CCDC148: variants seen among roughly 807,000 people sequenced by gnomAD.
CCDC148 encodes the protein coiled-coil domain-containing protein 148.
Under a neutral mutation model 85.7 loss-of-function variants are expected in CCDC148, and 89 were observed. The observed-to-expected ratio is 1.04, with a 90% CI of 0.87 to 1.24. The LOEUF (loss-of-function observed/expected upper bound fraction) is 1.24. Among genes scored for constraint, CCDC148 ranks in the 50% most tolerant of loss-of-function variants. The pLI is 0.00. For missense variants in CCDC148, 692 were observed against 671.7 expected, an observed-to-expected ratio of 1.03 and a Z score of -0.33; for synonymous variants, 230 against 213.9, an observed-to-expected ratio of 1.08 and a Z score of -0.66.
intron 1 of CCDC148, among the ~76,000 whole-genome samples, chr2:158,364,159 G>C (rs900636865): frequency 6.6e-6 from 1 of 152,204 alleles, no homozygotes; most frequent in African/African-American, 2.4e-5. Context: ...GGAAGTAAGA[G>C]AGGACACAAA....
intron 10 of CCDC148, among the ~76,000 whole-genome samples, chr2:158,241,806 C>T (rs57138240): frequency 0.2 from 31,063 of 151,928 alleles, 3,376 homozygotes; most frequent in Non-Finnish European, 0.23. Context: ...ATATGTTGAG[C>T]CATAGTATTT....
At chr2:158,327,677 A>C (rs951847281) in intron 7 of CCDC148, among the ~76,000 whole-genome samples, 6 of 152,166 alleles carry the variant, frequency 3.9e-5, no homozygotes, top group African/African-American at 1.4e-4. Context: ...AATTCTCCTA[A>C]ATTCAAATTC....
chr2:158,340,455 G>T, intron 4 of CCDC148, 62 bp from the exon 5 acceptor site: 1 of 1,551,868 alleles, frequency 6.4e-7, no homozygotes. Context: ...TCCAAAAACA[G>T]ATCATTAGAG....
chr2:158,399,473 T>C (rs566681510), intron 1 of CCDC148, among the ~76,000 whole-genome samples: 1 of 152,252 alleles, frequency 6.6e-6, no homozygotes, highest in African/African-American at 2.4e-5. Flanking sequence ...TGGTTCAACA[T>C]ATGCAAATCA....
intron 11 of CCDC148, among the ~76,000 whole-genome samples, chr2:158,188,421 TA>T (rs776354223): frequency 3.5e-4 from 52 of 149,968 alleles, no homozygotes; most frequent in African/African-American, 7.6e-4. Context: ...GATATTAGAA[TA>T]TTTTTTTTAA....
At chr2:158,456,267 G>C in intron 1 of CCDC148, 148 bp downstream of exon 1, 2 of 786,984 alleles carry the variant, frequency 2.5e-6, no homozygotes, top group Non-Finnish European at 4.4e-6. Flanking sequence ...TCTTTCAGAA[G>C]AGTTATGAGT....
In CCDC148 at chr2:158,340,595, T is replaced by C; in HGVS notation, c.334+3A>G. ...TTTAAATATAGGATCAAAAAAATCT[T>C]ACCAAAATTTGTAAGGTCACAAAGA... On this transcript the variant is annotated splice_donor_region_variant and intron_variant, in intron 4 of 13. Coordinates refer to ENST00000283233, the MANE Select transcript of CCDC148 (RefSeq NM_138803.4). 6.4e-7 allele frequency: 1 copy of C among 1,574,442 alleles called. No individual in the cohort carries two copies. The highest frequency in any genetic ancestry group is 8.6e-7 in the Non-Finnish European group (1 of 1,157,800).
chr2:158,262,166 G>T (rs961217678), intron 9 of CCDC148, among the ~76,000 whole-genome samples: 1 of 152,006 alleles, frequency 6.6e-6, no homozygotes, highest in Non-Finnish European at 1.5e-5. Flanking sequence ...ATACACCATC[G>T]AATACTATGC....
At chr2:158,374,824 T>C (rs1684590538) in intron 1 of CCDC148, among the ~76,000 whole-genome samples, 1 of 152,002 alleles carries the variant, frequency 6.6e-6, no homozygotes, top group Admixed American at 6.6e-5. Context: ...AATACCAGAC[T>C]GTATGGATAC....
At chr2:158,241,011 T>G (rs1291584459) in intron 10 of CCDC148, among the ~76,000 whole-genome samples, 2 of 152,060 alleles carry the variant, frequency 1.3e-5, no homozygotes. Context: ...GATGCCCAAA[T>G]TACAGTTTGA....
intron 1 of CCDC148, among the ~76,000 whole-genome samples, chr2:158,451,281 T>C (rs1688395546): frequency 6.6e-6 from 1 of 152,196 alleles, no homozygotes; most frequent in Non-Finnish European, 1.5e-5. Flanking sequence ...GAGTATCTAA[T>C]GGCTGATTAT....
chr2:158,192,256 T>C (rs181511075), intron 11 of CCDC148, among the ~76,000 whole-genome samples: 3 of 152,096 alleles, frequency 2.0e-5, no homozygotes, highest in Admixed American at 2.0e-4. Flanking sequence ...GAGATGTCCA[T>C]ATGGGTCTCT....
rs907901498 is a variant in CCDC148, at chr2:158,358,430, T to A, written c.147+19A>T. 1.9e-6 allele frequency: 3 copies of A among 1,596,060 alleles called. No individual in the cohort carries two copies. The South Asian group carries it at 3.4e-5, about 18-fold the overall frequency. On this transcript the variant is annotated intron_variant, in intron 2 of 13. Coordinates refer to ENST00000283233, the MANE Select transcript of CCDC148 (RefSeq NM_138803.4). ...GATTTTCTAAAACTAGAAAAACACA[T>A]ACACACACAACTTCTAACCTTTAGC... is the stretch of plus-strand genomic sequence containing the variant.
At chr2:158,424,270 A>G (rs531707404) in intron 1 of CCDC148, among the ~76,000 whole-genome samples, 2 of 152,302 alleles carry the variant, frequency 1.3e-5, no homozygotes, top group East Asian at 1.9e-4. Context: ...ATGCACATGT[A>G]TGTTTATTGC....
At chr2:158,256,216 G>A (rs1366369048) in intron 9 of CCDC148, among the ~76,000 whole-genome samples, 1 of 142,868 alleles carries the variant, frequency 7.0e-6, no homozygotes, top group Non-Finnish European at 1.5e-5. Context: ...TGGCATAAAG[G>A]AAATGAATAT....
chr2:158,454,772 C>A (rs6706991), intron 1 of CCDC148, among the ~76,000 whole-genome samples: 1 of 152,158 alleles, frequency 6.6e-6, no homozygotes, highest in Non-Finnish European at 1.5e-5. Context: ...ATTCTTTAAC[C>A]TTGTCTAGCA....
At chr2:158,299,250 A>G (rs757466366) in intron 9 of CCDC148, among the ~76,000 whole-genome samples, 9 of 152,094 alleles carry the variant, frequency 5.9e-5, no homozygotes, top group Non-Finnish European at 1.2e-4. Context: ...TCAAATCTCT[A>G]TTTGGTTCTC....
intron 11 of CCDC148, among the ~76,000 whole-genome samples, chr2:158,187,333 G>T (rs1191391248): frequency 6.6e-6 from 1 of 151,732 alleles, no homozygotes; most frequent in Non-Finnish European, 1.5e-5. Context: ...ACCTTCCATG[G>T]TTCTCTTTCC....
intron 10 of CCDC148, among the ~76,000 whole-genome samples, chr2:158,230,666 A>G (rs1342096822): frequency 3.3e-5 from 5 of 152,064 alleles, no homozygotes; most frequent in Non-Finnish European, 5.9e-5. Context: ...CATTTCTTAC[A>G]TTTTAAAAAG....
Sources: allele counts gnomAD v4.1 joint callset (sites outside exome capture counted in the v4.1 genomes callset), GRCh38; gene constraint gnomAD v4.1.1; transcripts MANE v1.5; gene names NCBI Gene and HGNC (gene_info 2026-07-23, HGNC 2026-07-21).